Variants in CPA6 observed in about 807,000 individuals in gnomAD.
The protein encoded by CPA6 is carboxypeptidase B.
Under a neutral mutation model 63.3 loss-of-function variants are expected in CPA6, and 58 were observed. The observed-to-expected ratio is 0.92, with a 90% CI of 0.74 to 1.14. CPA6 has a LOEUF of 1.14. Among genes scored for constraint, CPA6 ranks in the 50% most tolerant of loss-of-function variants. CPA6 has a pLI of 0.00. For synonymous variants in CPA6, 185 were observed against 179.0 expected, an observed-to-expected ratio of 1.03 and a Z score of -0.27; for missense variants, 565 against 526.6, an observed-to-expected ratio of 1.07 and a Z score of -0.71.
chr8:67,709,944 C>T (rs980782540), intron 1 of CPA6, among the ~76,000 whole-genome samples: 1 of 151,928 alleles, frequency 6.6e-6, no homozygotes, highest in African/African-American at 2.4e-5. Context: ...AACCCCGTCT[C>T]TACTAAAAAA....
intron 1 of CPA6, among the ~76,000 whole-genome samples, chr8:67,703,250 G>C (rs1563399860): frequency 6.6e-6 from 1 of 152,220 alleles, no homozygotes; most frequent in East Asian, 1.9e-4. Context: ...CAGTGGCTCT[G>C]CTCCCCCAAA....
rs559514194 is a variant in CPA6 at position 67,618,590 on chromosome 8, T to C, written c.192+5586A>G. Among the ~76,000 whole-genome samples, 10 of 152,292 alleles carry C rather than the reference T, an allele frequency of 6.6e-5. No homozygotes were observed. In the South Asian group the frequency reaches 2.1e-3, roughly 32 times the overall value. ...TTTTGACATGTCATTTAATGACACC[T>C]GACAAACCAATATTTATGAGGTTGT... On this transcript the variant is annotated intron_variant, in intron 2 of 10. Coordinates refer to ENST00000297770, the MANE Select transcript of CPA6 (RefSeq NM_020361.5).
chr8:67,443,057 C>T (rs574644213), intron 8 of CPA6, among the ~76,000 whole-genome samples: 2 of 146,898 alleles, frequency 1.4e-5, no homozygotes, highest in South Asian at 4.4e-4. Context: ...AAAAGCTGTC[C>T]TAGCCTATTC....
intron 8 of CPA6, among the ~76,000 whole-genome samples, chr8:67,470,232 A>G (rs761540078): frequency 6.6e-6 from 1 of 151,802 alleles, no homozygotes; most frequent in Non-Finnish European, 1.5e-5. Context: ...GTTTCCCCAT[A>G]TTGGTCAGGC....
intron 1 of CPA6, among the ~76,000 whole-genome samples, chr8:67,711,503 G>C (rs1481827): frequency 0.041 from 6,284 of 152,240 alleles, 215 homozygotes; most frequent in African/African-American, 0.09. Flanking sequence ...TCCAGTTTGT[G>C]GAGTGGGCAC....
chr8:67,706,977 T>C (rs947145573), intron 1 of CPA6, among the ~76,000 whole-genome samples: 1 of 152,202 alleles, frequency 6.6e-6, no homozygotes, highest in Non-Finnish European at 1.5e-5. Context: ...TTAGTATATG[T>C]TATCAGTAAT....
intron 6 of CPA6, among the ~76,000 whole-genome samples, chr8:67,492,969 A>G (rs1451548932): frequency 2.0e-5 from 3 of 152,230 alleles, no homozygotes; most frequent in Non-Finnish European, 2.9e-5. Flanking sequence ...AACTAACGGT[A>G]CTGAAGGCCA....
chr8:67,690,037 A>ATT (rs34480721), intron 1 of CPA6, among the ~76,000 whole-genome samples: 3 of 151,968 alleles, frequency 2.0e-5, no homozygotes, highest in East Asian at 1.9e-4. Context: ...ATGATAATGA[A>ATT]TTTTTTTATA....
intron 1 of CPA6, among the ~76,000 whole-genome samples, chr8:67,634,550 G>A (rs998059037): frequency 5.3e-5 from 8 of 151,458 alleles, no homozygotes; most frequent in African/African-American, 2.0e-4. Context: ...TCACTTTGCG[G>A]GGAGAAAGAG....
At chr8:67,653,280 A>C (rs534078717) in intron 1 of CPA6, among the ~76,000 whole-genome samples, 5 of 152,306 alleles carry the variant, frequency 3.3e-5, no homozygotes, top group African/African-American at 7.2e-5. Context: ...TCTGTGAAGA[A>C]AGTCATTGGT....
intron 1 of CPA6, among the ~76,000 whole-genome samples, chr8:67,632,184 T>C (rs1412501189): frequency 6.8e-6 from 1 of 146,126 alleles, no homozygotes; most frequent in African/African-American, 2.6e-5. Flanking sequence ...GTGTGTGTGT[T>C]TTCTCAGAGA....
At chr8:67,461,043 C>T (rs1480254655) in intron 8 of CPA6, among the ~76,000 whole-genome samples, 32 of 138,252 alleles carry the variant, frequency 2.3e-4, no homozygotes, top group African/African-American at 8.4e-4. Context: ...GAGCATAATT[C>T]GATTTCTTTT....
intron 2 of CPA6, among the ~76,000 whole-genome samples, chr8:67,591,754 T>G (rs939606420): frequency 6.6e-6 from 1 of 152,230 alleles, no homozygotes; most frequent in Non-Finnish European, 1.5e-5. Flanking sequence ...GAGACTTTGC[T>G]GAAGTTGCTT....
intron 1 of CPA6, among the ~76,000 whole-genome samples, chr8:67,625,950 G>A (rs1011195058): frequency 6.6e-6 from 1 of 152,124 alleles, no homozygotes; most frequent in Non-Finnish European, 1.5e-5. Context: ...GTTCATGGGG[G>A]CATATTTTCC....
intron 2 of CPA6, among the ~76,000 whole-genome samples, chr8:67,552,532 G>C (rs532109539): frequency 1.2e-4 from 19 of 152,028 alleles, no homozygotes; most frequent in Non-Finnish European, 2.8e-4. Flanking sequence ...CCAGCACTTT[G>C]GGAGGCCAAG....
intron 1 of CPA6, among the ~76,000 whole-genome samples, chr8:67,650,775 C>T (rs7341654): frequency 2.0e-5 from 3 of 152,106 alleles, no homozygotes; most frequent in African/African-American, 7.2e-5. Context: ...ACGCACTTGC[C>T]TATACTCTTG....
intron 1 of CPA6, among the ~76,000 whole-genome samples, chr8:67,675,692 T>A (rs1357678303): frequency 2.6e-5 from 4 of 152,200 alleles, no homozygotes; most frequent in Non-Finnish European, 5.9e-5. Context: ...GATGTGAGAG[T>A]CATTTGTGGA....
chr8:67,430,360 A>G (rs964469182), intron 9 of CPA6, among the ~76,000 whole-genome samples: 1 of 151,750 alleles, frequency 6.6e-6, no homozygotes, highest in Non-Finnish European at 1.5e-5. Flanking sequence ...TTGTATTTTT[A>G]GTAGAGATGG....
rs193248037 is a variant in CPA6 at position 67,456,157 on chromosome 8, C to T, written c.839-21917G>A. Reference sequence around the variant, plus strand: ...TCTGAGGACAAAATTTAGTAATAACCGTTGTGTAACTTAATTGATTTCTGG... The same window carrying T: ...TCTGAGGACAAAATTTAGTAATAACTGTTGTGTAACTTAATTGATTTCTGG... On this transcript the variant is annotated intron_variant, in intron 8 of 10. Transcript: ENST00000297770. Among the ~76,000 whole-genome samples, 39 of 152,206 alleles carry T rather than the reference C, an allele frequency of 2.6e-4. 1 individual carries two copies. The highest frequency in any genetic ancestry group is 3.4e-3 in the Middle Eastern group (1 of 294).
Sources: gnomAD v4.1 joint callset for allele counts (sites outside exome capture counted in the v4.1 genomes callset) on GRCh38, gnomAD v4.1.1 for gene constraint, MANE v1.5 for transcripts, NCBI Gene and HGNC (gene_info 2026-07-23, HGNC 2026-07-21) for gene names.